EBF1: variants seen among roughly 807,000 people sequenced by gnomAD.
The protein encoded by EBF1 is transcription factor COE1.
Under a neutral mutation model 68.4 loss-of-function variants are expected in EBF1, and 10 were observed. The observed-to-expected ratio is 0.15, with a 90% CI of 0.09 to 0.25. The LOEUF is 0.25. EBF1 is among the 10% of genes least tolerant of loss of function. The probability of loss-of-function intolerance (pLI) is 1.00; values close to 1 mark genes in which losing one functional copy is unlikely to be tolerated. For synonymous variants in EBF1, 298 were observed against 299.8 expected, an observed-to-expected ratio of 0.99 and a Z score of 0.06; for missense variants, 509 against 794.4, an observed-to-expected ratio of 0.64 and a Z score of 4.32.
intron 6 of EBF1, among the ~76,000 whole-genome samples, chr5:158,854,527 T>C (rs948528825): frequency 6.6e-6 from 1 of 152,114 alleles, no homozygotes; most frequent in Non-Finnish European, 1.5e-5. Context: ...CCACAGACAG[T>C]GAATAGAGAC....
intron 9 of EBF1, among the ~76,000 whole-genome samples, chr5:158,787,437 A>C (rs986789943): frequency 2.6e-5 from 4 of 152,184 alleles, no homozygotes; most frequent in African/African-American, 9.6e-5. Context: ...TTTGTTAAGA[A>C]GTATTGTTCT....
At chr5:158,948,209 G>T (rs1433059125) in intron 6 of EBF1, among the ~76,000 whole-genome samples, 1 of 152,118 alleles carries the variant, frequency 6.6e-6, no homozygotes, top group African/African-American at 2.4e-5. Context: ...TCTTTGCTGG[G>T]GGGAGATCTG....
At chr5:159,080,007 C>G (rs1487949627) in intron 5 of EBF1, among the ~76,000 whole-genome samples, 5 of 152,152 alleles carry the variant, frequency 3.3e-5, no homozygotes, top group Admixed American at 3.3e-4. Context: ...ATTATTCCCC[C>G]CAAGAATATA....
chr5:158,910,522 A>G (rs928586858), intron 6 of EBF1, among the ~76,000 whole-genome samples: 3 of 152,246 alleles, frequency 2.0e-5, no homozygotes. Context: ...ATTAGATCCT[A>G]TACTAAAGAA....
At chr5:159,000,360 T>G (rs1275996024) in intron 6 of EBF1, among the ~76,000 whole-genome samples, 1 of 152,214 alleles carries the variant, frequency 6.6e-6, no homozygotes, top group East Asian at 1.9e-4. Context: ...GATAAAGCTT[T>G]TCACTGCATA....
In EBF1 at chr5:158,830,018, G is replaced by A. The variant is rs115320826; in HGVS notation, c.637-6701C>T. Among the ~76,000 whole-genome samples, 488 of 152,292 alleles carry A rather than the reference G, an allele frequency of 3.2e-3. 4 individuals carry two copies. The highest frequency in any genetic ancestry group is 0.011 in the African/African-American group (468 of 41,566). On this transcript the variant is annotated intron_variant, in intron 7 of 15. Coordinates refer to ENST00000313708, the MANE Select transcript of EBF1 (RefSeq NM_024007.5). ...GGCTTTAAAGAACTCTAAAGAGAAC[G>A]TGATTCTTAATAAATGCAATTTGAT...
At chr5:158,701,190 C>A (rs553117343) in intron 15 of EBF1, among the ~76,000 whole-genome samples, 1 of 152,170 alleles carries the variant, frequency 6.6e-6, no homozygotes, top group East Asian at 1.9e-4. Context: ...CGCTTTCCAC[C>A]AAAATCTATT....
intron 6 of EBF1, among the ~76,000 whole-genome samples, chr5:158,940,753 T>TCCCCCCCCCCCCC (rs1561573370): frequency 3.9e-4 from 3 of 7,654 alleles, no homozygotes; most frequent in Non-Finnish European, 6.4e-4. Context: ...TGCACCCCCT[T>TCCCCCCCCCCCCC]CACCCCACCG....
chr5:158,738,428 A>G (rs1021875012), intron 10 of EBF1, among the ~76,000 whole-genome samples: 1 of 152,248 alleles, frequency 6.6e-6, no homozygotes, highest in African/African-American at 2.4e-5. Flanking sequence ...AGGCATCTGC[A>G]AAAGAAAACT....
At chr5:158,964,163 C>T (rs943553732) in intron 6 of EBF1, among the ~76,000 whole-genome samples, 1 of 152,070 alleles carries the variant, frequency 6.6e-6, no homozygotes, top group African/African-American at 2.4e-5. Flanking sequence ...AAAACAGGTG[C>T]AAAGACAAAA....
intron 6 of EBF1, among the ~76,000 whole-genome samples, chr5:159,050,171 T>C (rs1361699167): frequency 6.7e-6 from 1 of 149,490 alleles, no homozygotes; most frequent in Admixed American, 6.7e-5. Context: ...TCTCTCTCTC[T>C]CTCTCTCTCT....
chr5:158,816,310 G>T (rs1025752720), intron 8 of EBF1, among the ~76,000 whole-genome samples: 4 of 152,236 alleles, frequency 2.6e-5, no homozygotes, highest in Non-Finnish European at 5.9e-5. Flanking sequence ...GAAATGGATA[G>T]GCATTGGGGT....
intron 6 of EBF1, among the ~76,000 whole-genome samples, chr5:158,885,359 G>A (rs999059249): frequency 6.6e-6 from 1 of 152,186 alleles, no homozygotes; most frequent in Non-Finnish European, 1.5e-5. Flanking sequence ...AAATAAAGAG[G>A]ACACGAGAAA....
intron 8 of EBF1, among the ~76,000 whole-genome samples, chr5:158,806,698 A>G (rs1423778942): frequency 6.6e-6 from 1 of 152,174 alleles, no homozygotes; most frequent in African/African-American, 2.4e-5. Context: ...TGTAAAACAC[A>G]TGTCTTAGGC....
chr5:159,086,539 C>T (rs902487343), intron 4 of EBF1, among the ~76,000 whole-genome samples: 2 of 152,086 alleles, frequency 1.3e-5, no homozygotes, highest in Admixed American at 1.3e-4. Flanking sequence ...TAGAACATCT[C>T]TCAATTTGGG....
At chr5:158,752,683 A>C (rs947657009) in intron 10 of EBF1, among the ~76,000 whole-genome samples, 1 of 152,126 alleles carries the variant, frequency 6.6e-6, no homozygotes, top group African/African-American at 2.4e-5. Context: ...CTCTTCACAC[A>C]TGTAACTTTC....
At chr5:158,784,819 G>C (rs750299632) in intron 9 of EBF1, among the ~76,000 whole-genome samples, 5 of 152,162 alleles carry the variant, frequency 3.3e-5, no homozygotes, top group Non-Finnish European at 7.3e-5. Context: ...GCACTGGCAA[G>C]GTGGTTTTTA....
At chr5:158,899,348 G>T (rs749278928) in intron 6 of EBF1, among the ~76,000 whole-genome samples, 2 of 152,206 alleles carry the variant, frequency 1.3e-5, no homozygotes, top group Non-Finnish European at 2.9e-5. Context: ...TTTACATCTT[G>T]CTTGTGTAAG....
rs1756197863 is a variant in EBF1 at position 158,698,970 on chromosome 5, T to G, written c.*141A>C. 1.5e-6 allele frequency: 1 copy of G among 686,368 alleles called. No individual in the cohort carries two copies. The highest frequency in any genetic ancestry group is 3.6e-5 in the Admixed American group (1 of 27,702). The allele number at this position is 686,368 out of a possible 1,614,324, so 42.5% of individuals were successfully genotyped here. The stretch of plus-strand genomic sequence containing the variant: ...TTCAGTATTTGCAAGGTCGGTGATT[T>G]TGTTTGTTTAAAAATCTGCAGTTAT... On this transcript the variant is annotated 3_prime_UTR_variant, in exon 16 of 16. Transcript: ENST00000313708.
Sources: gnomAD v4.1 joint callset for allele counts (sites outside exome capture counted in the v4.1 genomes callset) on GRCh38, gnomAD v4.1.1 for gene constraint, MANE v1.5 for transcripts, NCBI Gene and HGNC (gene_info 2026-07-23, HGNC 2026-07-21) for gene names.